Variants in MDGA2 observed in about 807,000 individuals in gnomAD.
MDGA2 encodes MAM domain containing glycosylphosphatidylinositol anchor 2.
MDGA2 carries 40 observed loss-of-function variants against 117.8 expected under a neutral mutation model. The observed-to-expected ratio is 0.34, with a 90% CI of 0.26 to 0.44. The LOEUF (loss-of-function observed/expected upper bound fraction) is 0.44, where lower values mean the gene tolerates loss of function less well. Among genes scored for constraint, MDGA2 ranks in the 20% least tolerant of loss-of-function variants. MDGA2 has a pLI of 1.00. For synonymous variants in MDGA2, 452 were observed against 439.0 expected (o/e 1.03, Z -0.37); for missense variants, 1,123 against 1,250.6 (o/e 0.90, Z 1.54).
chr14:47,527,142 G>A (rs1894988432), intron 1 of MDGA2, among the ~76,000 whole-genome samples: 1 of 152,134 alleles, frequency 6.6e-6, no homozygotes, highest in African/African-American at 2.4e-5. Flanking sequence ...AGATGATTAC[G>A]GGAGAGTCAA....
At chr14:47,087,424 T>C (rs1890942487) in intron 6 of MDGA2, among the ~76,000 whole-genome samples, 1 of 121,536 alleles carries the variant, frequency 8.2e-6, no homozygotes, top group African/African-American at 3.4e-5. Context: ...GGTTGAGGCA[T>C]GAGAATTGCT....
At chr14:47,035,477 TG>T (rs1425545538) in intron 7 of MDGA2, among the ~76,000 whole-genome samples, 173 bp from the exon 8 acceptor site, 1 of 152,242 alleles carries the variant, frequency 6.6e-6, no homozygotes, top group Non-Finnish European at 1.5e-5. Context: ...CATTCTTAAT[TG>T]TTTTCACTGT....
intron 6 of MDGA2, among the ~76,000 whole-genome samples, chr14:47,076,725 C>T (rs1377433248): frequency 2.6e-5 from 4 of 152,034 alleles, no homozygotes; most frequent in Non-Finnish European, 4.4e-5. Flanking sequence ...CCACATGAAA[C>T]TTGGGAACAA....
At chr14:47,103,023 C>T (rs1880432041) in intron 5 of MDGA2, among the ~76,000 whole-genome samples, 1 of 152,110 alleles carries the variant, frequency 6.6e-6, no homozygotes, top group Non-Finnish European at 1.5e-5. Context: ...TAAGTGAAAG[C>T]ACCCCTATCA....
intron 9 of MDGA2, among the ~76,000 whole-genome samples, chr14:46,947,777 T>A (rs1566539968): frequency 6.6e-6 from 1 of 152,052 alleles, no homozygotes; most frequent in Non-Finnish European, 1.5e-5. Context: ...TAGTCTCGAG[T>A]GTGTCTTTAT....
At chr14:47,628,257 T>C (rs553752317) in intron 1 of MDGA2, among the ~76,000 whole-genome samples, 4 of 152,310 alleles carry the variant, frequency 2.6e-5, no homozygotes, top group Non-Finnish European at 5.9e-5. Context: ...ATATTTTGCT[T>C]TTCTTTCATA....
At chr14:47,217,327 A>G (rs536557185) in intron 3 of MDGA2, among the ~76,000 whole-genome samples, 7 of 152,152 alleles carry the variant, frequency 4.6e-5, no homozygotes, top group Non-Finnish European at 8.8e-5. Context: ...AAACCTGGGC[A>G]AAAGACCAAA....
chr14:47,343,293 G>C, intron 1 of MDGA2: 1 of 1,118,960 alleles, frequency 8.9e-7, no homozygotes, highest in Non-Finnish European at 1.1e-6. Flanking sequence ...TGTTAACTAA[G>C]TTCTAAGTAG....
intron 3 of MDGA2, among the ~76,000 whole-genome samples, chr14:47,185,184 T>C (rs1012517018): frequency 6.6e-6 from 1 of 150,950 alleles, no homozygotes; most frequent in African/African-American, 2.4e-5. Context: ...AAAAGATGAA[T>C]AGGAAAAGGA....
At chr14:47,359,955 A>G (rs1471201390) in intron 1 of MDGA2, among the ~76,000 whole-genome samples, 4 of 152,158 alleles carry the variant, frequency 2.6e-5, no homozygotes, top group Non-Finnish European at 4.4e-5. Context: ...ATTAAGAAAA[A>G]GTATTTGTGA....
intron 3 of MDGA2, among the ~76,000 whole-genome samples, chr14:47,191,697 C>T (rs969664381): frequency 2.0e-5 from 3 of 152,184 alleles, no homozygotes; most frequent in East Asian, 1.9e-4. Flanking sequence ...TACTTTTCTA[C>T]CCATTTTTTC....
chr14:47,251,578 G>A lies in MDGA2; in HGVS notation c.421-33383C>T, dbSNP rs931702937. Among the ~76,000 whole-genome samples, 8 of 151,990 alleles carry A rather than the reference G, an allele frequency of 5.3e-5. No individual in the cohort carries two copies. The South Asian group carries it at 1.2e-3, about 24-fold the overall frequency. On this transcript the variant is annotated intron_variant, in intron 2 of 16. Coordinates refer to ENST00000399232, the MANE Select transcript of MDGA2 (RefSeq NM_001113498.3). Reference sequence around the variant, plus strand: ...ATATATGGGAGATGAATAAACCATCGTACAATTCTTAGATTGTTGTTACTG... The same window carrying A: ...ATATATGGGAGATGAATAAACCATCATACAATTCTTAGATTGTTGTTACTG...
intron 1 of MDGA2, among the ~76,000 whole-genome samples, chr14:47,658,087 G>A (rs1206841840): frequency 2.0e-5 from 3 of 152,126 alleles, no homozygotes; most frequent in Non-Finnish European, 2.9e-5. Context: ...AGGGACAATA[G>A]CAAAAGTCTC....
intron 3 of MDGA2, among the ~76,000 whole-genome samples, chr14:47,165,222 C>T (rs1044830659): frequency 1.3e-5 from 2 of 152,012 alleles, no homozygotes; most frequent in Non-Finnish European, 2.9e-5. Flanking sequence ...GCACATTGTG[C>T]ACATGTACCC....
chr14:47,118,546 C>G (rs1007494345), intron 5 of MDGA2, among the ~76,000 whole-genome samples: 3 of 152,096 alleles, frequency 2.0e-5, no homozygotes, highest in Non-Finnish European at 2.9e-5. Flanking sequence ...CATCACATTT[C>G]TCTTTTTTAT....
intron 1 of MDGA2, among the ~76,000 whole-genome samples, chr14:47,302,837 A>C (rs1889326587): frequency 6.6e-6 from 1 of 152,148 alleles, no homozygotes; most frequent in African/African-American, 2.4e-5. Context: ...GTTGTATTTC[A>C]TTATCTTTCT....
intron 1 of MDGA2, among the ~76,000 whole-genome samples, chr14:47,629,783 C>A (rs1897219579): frequency 6.6e-6 from 1 of 152,176 alleles, no homozygotes; most frequent in Non-Finnish European, 1.5e-5. Flanking sequence ...CCTTCCTCTG[C>A]AGCTCATTAG....
At chr14:47,155,885 C>CTTTTTTTTTTTTTTTTTT (rs1883353082) in intron 3 of MDGA2, among the ~76,000 whole-genome samples, 1 of 80,444 alleles carries the variant, frequency 1.2e-5, no homozygotes, top group African/African-American at 4.4e-5. Flanking sequence ...TCTTCTTCTT[C>CTTTTTTTTTTTTTTTTTT]TTCTTTTTTT....
At chr14:47,170,682 AAAC>A (rs1367874683) in intron 3 of MDGA2, among the ~76,000 whole-genome samples, 1 of 152,122 alleles carries the variant, frequency 6.6e-6, no homozygotes. Context: ...AGTTTATACA[AAAC>A]AATTAGATAC....
Sources: allele counts gnomAD v4.1 joint callset (sites outside exome capture counted in the v4.1 genomes callset), GRCh38; gene constraint gnomAD v4.1.1; transcripts MANE v1.5; gene names NCBI Gene and HGNC (gene_info 2026-07-23, HGNC 2026-07-21).